Variants in COL19A1 observed in about 807,000 individuals in gnomAD.
COL19A1 encodes collagen alpha-1(XIX) chain.
A neutral mutation model predicts 190.2 loss-of-function variants in COL19A1; 159 were observed. That is an observed-to-expected ratio of 0.84 (90% CI 0.73 to 0.95). The LOEUF is 0.95. Ranked by LOEUF, COL19A1 falls within the 40% of genes least tolerant of loss-of-function variation. COL19A1 has a pLI of 0.00. For missense variants in COL19A1, 1,418 were observed against 1,431.9 expected (o/e 0.99, Z 0.16); for synonymous variants, 509 against 458.9 (o/e 1.11, Z -1.39).
rs573509105 is a variant in COL19A1, at chr6:69,904,840, T to G, written c.266+4502T>G. ...CCGGTTCTGCTACAAGCTGTGCACT[T>G]GGGTCCCTAGGCACACGGCTTGTGC... On this transcript the variant is annotated intron_variant, in intron 4 of 50. Coordinates refer to ENST00000620364, the MANE Select transcript of COL19A1 (RefSeq NM_001858.6). Among the ~76,000 whole-genome samples, 4 of 152,322 alleles carry G rather than the reference T, an allele frequency of 2.6e-5. No individual in the cohort carries two copies. In the South Asian group the frequency reaches 6.2e-4, roughly 24 times the overall value.
At chr6:69,880,745 G>T (rs548454166) in intron 2 of COL19A1, among the ~76,000 whole-genome samples, 4 of 152,194 alleles carry the variant, frequency 2.6e-5, no homozygotes, top group Non-Finnish European at 4.4e-5. Flanking sequence ...ATACAATTTG[G>T]GGGGGAAACT....
chr6:69,905,623 A>G (rs1364264310), intron 4 of COL19A1, among the ~76,000 whole-genome samples: 1 of 152,220 alleles, frequency 6.6e-6, no homozygotes, highest in Non-Finnish European at 1.5e-5. Context: ...TTATGGCTAC[A>G]TGGTTTTGAT....
intron 11 of COL19A1, among the ~76,000 whole-genome samples, chr6:70,019,296 G>A (rs1444180064): frequency 1.3e-5 from 2 of 152,044 alleles, no homozygotes; most frequent in East Asian, 1.9e-4. Context: ...TATTATGTAA[G>A]GTGCTTAGCA....
At chr6:69,918,948 G>A (rs1270907381) in intron 4 of COL19A1, among the ~76,000 whole-genome samples, 3 of 152,234 alleles carry the variant, frequency 2.0e-5, no homozygotes, top group East Asian at 1.9e-4. Context: ...TCCCCTCCAC[G>A]TGGAGATGCC....
intron 31 of COL19A1, among the ~76,000 whole-genome samples, chr6:70,155,820 T>C (rs1400478333): frequency 6.6e-6 from 1 of 152,192 alleles, no homozygotes; most frequent in Non-Finnish European, 1.5e-5. Context: ...CCTCAGTTTT[T>C]GTTCTTGACT....
intron 16 of COL19A1, among the ~76,000 whole-genome samples, chr6:70,117,537 T>C (rs1024783784): frequency 1.3e-5 from 2 of 152,214 alleles, no homozygotes; most frequent in Admixed American, 6.5e-5. Context: ...ACTTCCCAAA[T>C]TGAATATAGC....
intron 15 of COL19A1, among the ~76,000 whole-genome samples, chr6:70,096,554 A>G (rs1783288350): frequency 6.6e-6 from 1 of 152,162 alleles, no homozygotes; most frequent in Non-Finnish European, 1.5e-5. Context: ...ACATCAATGA[A>G]ATCTTAGCAC....
At chr6:70,106,436 T>C (rs958840134) in intron 16 of COL19A1, among the ~76,000 whole-genome samples, 2 of 152,202 alleles carry the variant, frequency 1.3e-5, no homozygotes, top group Non-Finnish European at 2.9e-5. Context: ...GAAAATTTAC[T>C]AACACTAGTT....
chr6:69,954,495 C>A (rs1342852934), intron 9 of COL19A1, among the ~76,000 whole-genome samples: 1 of 152,050 alleles, frequency 6.6e-6, no homozygotes, highest in Non-Finnish European at 1.5e-5. Flanking sequence ...CCAATGCCAG[C>A]AACACTTCAG....
At chr6:69,955,468 A>C (rs1774356305) in intron 9 of COL19A1, among the ~76,000 whole-genome samples, 1 of 151,960 alleles carries the variant, frequency 6.6e-6, no homozygotes, top group Admixed American at 6.6e-5. Context: ...TTTAGTTTTA[A>C]AAAGAAGCAC....
rs539215588 is a variant in COL19A1, at chr6:70,178,439, T to A, written c.2668-1873T>A. Among the ~76,000 whole-genome samples, 23 of 152,274 alleles carry A rather than the reference T, an allele frequency of 1.5e-4. No homozygotes were observed. In the South Asian group the frequency reaches 3.1e-3, roughly 21 times the overall value. On this transcript the variant is annotated intron_variant, in intron 42 of 50. Coordinates refer to ENST00000620364, the MANE Select transcript of COL19A1 (RefSeq NM_001858.6). ...CATAAATAAGAAAGGGTAAAAAATTTACATACTACAAACATGTTCAGTTAA... is the reference window on the plus strand; with the variant it reads ...CATAAATAAGAAAGGGTAAAAAATTAACATACTACAAACATGTTCAGTTAA...
chr6:69,870,319 A>C (rs574589646), intron 1 of COL19A1, among the ~76,000 whole-genome samples: 30 of 152,372 alleles, frequency 2.0e-4, no homozygotes, highest in African/African-American at 7.0e-4. Context: ...AAGGAGTTAT[A>C]GCAGTGCAGT....
At chr6:70,039,579 G>T (rs1201082788) in intron 14 of COL19A1, among the ~76,000 whole-genome samples, 2 of 152,136 alleles carry the variant, frequency 1.3e-5, no homozygotes, top group Non-Finnish European at 2.9e-5. Flanking sequence ...GAACTGCCCA[G>T]AATAACTAAG....
At chr6:70,035,100 A>G (rs1018254874) in intron 13 of COL19A1, among the ~76,000 whole-genome samples, 4 of 152,212 alleles carry the variant, frequency 2.6e-5, no homozygotes, top group Non-Finnish European at 5.9e-5. Context: ...AAAGATACTC[A>G]TTGTGAGACT....
At chr6:70,033,665 T>C (rs933771040) in intron 12 of COL19A1, among the ~76,000 whole-genome samples, 48 of 152,296 alleles carry the variant, frequency 3.2e-4, no homozygotes, top group African/African-American at 1.1e-3. Flanking sequence ...ATATGTCATA[T>C]ATAGTTTCAT....
At chr6:70,167,075 G>A (rs1765206750) in intron 37 of COL19A1, among the ~76,000 whole-genome samples, 1 of 152,184 alleles carries the variant, frequency 6.6e-6, no homozygotes, top group Admixed American at 6.5e-5. Flanking sequence ...CCAGGACGTA[G>A]CACACTAAAA....
chr6:70,107,755 C>G (rs1421968633), intron 16 of COL19A1, among the ~76,000 whole-genome samples: 1 of 152,110 alleles, frequency 6.6e-6, no homozygotes, highest in East Asian at 1.9e-4. Context: ...AAGTTATTCC[C>G]AATTAGGTAA....
rs143006710 is a variant in COL19A1, at chr6:70,195,295, G to A, written c.3095-4313G>A. Among the ~76,000 whole-genome samples the A allele has an allele frequency of 2.8e-3, 426 of 152,126 alleles. 4 individuals carry two copies. Among genetic ancestry groups the A allele is most frequent in the African/African-American group, 9.9e-3 (410 of 41,512 alleles). On this transcript the variant is annotated intron_variant, in intron 48 of 50. Coordinates refer to ENST00000620364, the MANE Select transcript of COL19A1 (RefSeq NM_001858.6). The stretch of plus-strand genomic sequence containing the variant: ...AGTGTCCAGTAATCCTTGGCTGTCT[G>A]CATACATAAGAGCAGGGTTTTAAAA...
At chr6:70,025,616 G>T (rs1380619861) in intron 12 of COL19A1, among the ~76,000 whole-genome samples, 1 of 152,204 alleles carries the variant, frequency 6.6e-6, no homozygotes, top group African/African-American at 2.4e-5. Context: ...AGTGGATTCT[G>T]AAATGGATAG....
Sources: gnomAD v4.1 joint callset for allele counts (sites outside exome capture counted in the v4.1 genomes callset) on GRCh38, gnomAD v4.1.1 for gene constraint, MANE v1.5 for transcripts, NCBI Gene and HGNC (gene_info 2026-07-23, HGNC 2026-07-21) for gene names.